C12orf42: variants seen among roughly 807,000 people sequenced by gnomAD.
C12orf42 encodes the protein uncharacterized protein C12orf42.
A neutral mutation model predicts 21.6 loss-of-function variants in C12orf42; 25 were observed. The ratio of observed to expected loss-of-function variants is 1.16; its 90% CI spans 0.84 to 1.62. The LOEUF is 1.62. C12orf42 is among the 40% of genes most tolerant of loss of function. The probability of loss-of-function intolerance (pLI) is 0.00; values close to 1 mark genes in which losing one functional copy is unlikely to be tolerated. For synonymous variants in C12orf42, 174 were observed against 175.0 expected (o/e 0.99, Z 0.05); for missense variants, 483 against 459.3 (o/e 1.05, Z -0.47).
downstream of C12orf42, among the ~76,000 whole-genome samples, chr12:103,233,355 C>A (rs2033365394): frequency 1.3e-5 from 2 of 152,114 alleles, no homozygotes. Flanking sequence ...CCAATATCCA[C>A]AAAATAATCT....
At chr12:103,381,762 A>G (rs1002332596) in intron 3 of C12orf42, among the ~76,000 whole-genome samples, 13 of 152,096 alleles carry the variant, frequency 8.5e-5, no homozygotes, top group Non-Finnish European at 1.5e-5. Flanking sequence ...CTAAAAATAT[A>G]AAAAATTAGC....
the C12orf42 span, among the ~76,000 whole-genome samples, chr12:103,174,649 G>A: frequency 1.3e-5 from 2 of 151,874 alleles, no homozygotes; most frequent in Non-Finnish European, 2.9e-5. Flanking sequence ...ATCTTCAAAT[G>A]TTTAAAATAT....
At chr12:103,048,029 C>CTT in the C12orf42 span, among the ~76,000 whole-genome samples, 1 of 142,428 alleles carries the variant, frequency 7.0e-6, no homozygotes, top group African/African-American at 2.6e-5. Context: ...ACAAAGGAGC[C>CTT]TTTTACCAGG....
chr12:103,116,001 T>A, the C12orf42 span, among the ~76,000 whole-genome samples: 13 of 152,074 alleles, frequency 8.5e-5, no homozygotes, highest in African/African-American at 2.9e-4. Flanking sequence ...ATAAGGAGAG[T>A]CAAATGGAGC....
chr12:103,281,222 G>A (rs1330961204), intron 4 of C12orf42, among the ~76,000 whole-genome samples: 1 of 152,216 alleles, frequency 6.6e-6, no homozygotes, highest in Non-Finnish European at 1.5e-5. Context: ...TTATCTCTAA[G>A]TCTGAGAGAG....
At position 103,420,558 on chromosome 12, in the gene C12orf42, C is replaced by CT. The variant is rs770651905; in HGVS notation, c.79-18884dup. ...CTCAAACTTTGCATGTTTCATGTTTCTTTTTTTTTTACCCAGGCTGGAGTG... is the reference window on the plus strand; with the variant it reads ...CTCAAACTTTGCATGTTTCATGTTTCTTTTTTTTTTTACCCAGGCTGGAGTG... On this transcript the variant is annotated intron_variant, in intron 2 of 5. Coordinates refer to ENST00000548883, the MANE Select transcript of C12orf42 (RefSeq NM_198521.5). Among the ~76,000 whole-genome samples the CT allele has an allele frequency of 1.0e-3, 156 of 149,490 alleles. 1 individual carries two copies. Among genetic ancestry groups the CT allele is most frequent in the Non-Finnish European group, 1.5e-3 (100 of 67,100 alleles).
intron 4 of C12orf42, among the ~76,000 whole-genome samples, chr12:103,365,176 C>T (rs899553237): frequency 1.6e-4 from 25 of 151,768 alleles, no homozygotes; most frequent in African/African-American, 5.8e-4. Flanking sequence ...TAAGATATGA[C>T]AGTCAATAAA....
chr12:103,338,849 A>G (rs1228693938), intron 4 of C12orf42, among the ~76,000 whole-genome samples: 2 of 152,172 alleles, frequency 1.3e-5, no homozygotes, highest in Non-Finnish European at 2.9e-5. Context: ...GGAAGAGAGG[A>G]GCCATTTTGA....
chr12:103,060,317 A>G, the C12orf42 span, among the ~76,000 whole-genome samples: 1 of 152,202 alleles, frequency 6.6e-6, no homozygotes, highest in South Asian at 2.1e-4. Flanking sequence ...TGCTCAAGGA[A>G]ATAAGAGAGG....
chr12:103,236,716 TA>T (rs35933038), downstream of C12orf42, among the ~76,000 whole-genome samples: 4 of 151,374 alleles, frequency 2.6e-5, no homozygotes, highest in Admixed American at 6.6e-5. Context: ...TCTATTGCCT[TA>T]AAAAAAAAGT....
At chr12:103,118,556 T>C in the C12orf42 span, among the ~76,000 whole-genome samples, 1 of 152,060 alleles carries the variant, frequency 6.6e-6, no homozygotes, top group Non-Finnish European at 1.5e-5. Context: ...CCCAGCACTT[T>C]GGGAGGCCAA....
the C12orf42 span, among the ~76,000 whole-genome samples, chr12:103,151,042 C>T: frequency 1.3e-5 from 2 of 152,128 alleles, no homozygotes; most frequent in African/African-American, 4.8e-5. Context: ...ATTCTCCTGC[C>T]TCAGCACCCT....
intron 2 of C12orf42, among the ~76,000 whole-genome samples, chr12:103,477,739 T>G (rs1399925934): frequency 6.6e-6 from 1 of 152,156 alleles, no homozygotes; most frequent in East Asian, 1.9e-4. Flanking sequence ...GAATCTCCTC[T>G]AAAGTCTATA....
the C12orf42 span, among the ~76,000 whole-genome samples, chr12:103,152,464 G>A: frequency 6.6e-6 from 1 of 151,982 alleles, no homozygotes; most frequent in African/African-American, 2.4e-5. Flanking sequence ...TTACGGTACT[G>A]GCCATCCTAG....
chr12:103,234,468 A>T (rs1385264113), downstream of C12orf42, among the ~76,000 whole-genome samples: 1 of 152,110 alleles, frequency 6.6e-6, no homozygotes, highest in African/African-American at 2.4e-5. Flanking sequence ...CATTGAAAAA[A>T]AATTGTTTGG....
At chr12:103,154,901 C>T in the C12orf42 span, among the ~76,000 whole-genome samples, 2 of 152,244 alleles carry the variant, frequency 1.3e-5, no homozygotes, top group African/African-American at 2.4e-5. Flanking sequence ...GGCTTTGGCT[C>T]TACTTTACAT....
intron 4 of C12orf42, among the ~76,000 whole-genome samples, chr12:103,296,480 A>G (rs192258136): frequency 0.018 from 2,686 of 152,304 alleles, 101 homozygotes; most frequent in African/African-American, 0.061. Flanking sequence ...TCCCACCAAC[A>G]GTGTAAAAGC....
chr12:103,094,526 T>C, the C12orf42 span, among the ~76,000 whole-genome samples: 1 of 152,210 alleles, frequency 6.6e-6, no homozygotes, highest in Non-Finnish European at 1.5e-5. Context: ...GGTACCTTCC[T>C]TTCACATAAA....
At chr12:103,281,919 G>GAAAGA (rs1555243154) in intron 4 of C12orf42, among the ~76,000 whole-genome samples, 1 of 86,520 alleles carries the variant, frequency 1.2e-5, no homozygotes, top group Non-Finnish European at 2.5e-5. Flanking sequence ...GAAAGAAAAA[G>GAAAGA]AAAGAAAGAA....
Sources: allele counts gnomAD v4.1 joint callset (sites outside exome capture counted in the v4.1 genomes callset), GRCh38; gene constraint gnomAD v4.1.1; transcripts MANE v1.5; gene names NCBI Gene and HGNC (gene_info 2026-07-23, HGNC 2026-07-21).